DNAJA3: variants seen among roughly 807,000 people sequenced by gnomAD.
DNAJA3 encodes the protein dnaJ homolog subfamily A member 3, mitochondrial.
DNAJA3 carries 29 observed loss-of-function variants against 54.9 expected under a neutral mutation model. That is an observed-to-expected ratio of 0.53 (90% CI 0.39 to 0.72). The LOEUF is 0.72. Ranked by LOEUF, DNAJA3 falls within the 30% of genes least tolerant of loss-of-function variation. DNAJA3 has a pLI of 0.00. For synonymous variants in DNAJA3, 302 were observed against 251.4 expected (o/e 1.20, Z -1.90); for missense variants, 708 against 639.4 (o/e 1.11, Z -1.16).
At chr16:4,448,030 T>TTTC (rs2141390697) in intron 8 of DNAJA3, 2 of 134,562 alleles carry the variant, frequency 1.5e-5, no homozygotes, top group Non-Finnish European at 3.2e-5. Context: ...GTTCTTTTTT[T>TTTC]TTTTTTTTTT....
rs369412956 is a variant in DNAJA3 at position 4,443,167 on chromosome 16, G to A, written c.931+3G>A. On this transcript the variant is annotated splice_donor_region_variant and intron_variant, in intron 6 of 11. Coordinates refer to ENST00000262375, the MANE Select transcript of DNAJA3 (RefSeq NM_005147.6). ...AGTGATGATCCCTGTGCCTGCAGGT[G>A]GGTGCTTGGGCCCGCCATGTCCAGG... The A allele has an allele frequency of 5.0e-5, 80 of 1,613,712 alleles. No homozygotes were observed. The highest frequency in any genetic ancestry group is 6.7e-5 in the Non-Finnish European group (79 of 1,179,966).
chr16:4,426,547 A>C (rs2056625893), intron 1 of DNAJA3, among the ~76,000 whole-genome samples: 2 of 152,370 alleles, frequency 1.3e-5, no homozygotes, highest in South Asian at 4.1e-4. Context: ...CGACCAGCCC[A>C]AGGTCATGGA....
intron 11 of DNAJA3, 134 bp from the exon 12 acceptor site, chr16:4,455,412 T>G: frequency 9.4e-7 from 1 of 1,060,630 alleles, no homozygotes; most frequent in Non-Finnish European, 1.4e-6. Flanking sequence ...TGGTTTATTA[T>G]GCTCATCTCA....
Position 4,446,925 on chromosome 16 carries a change from A to T in DNAJA3, c.1036A>T (p.Ile346Phe). The change falls in exon 8 of 12, where the codon ATC becomes TTC. Residue 346 changes from isoleucine (I) to phenylalanine (F), a missense_variant. Ile to Phe is a conservative substitution (Grantham distance 21). Transcript: ENST00000262375. The stretch of plus-strand genomic sequence containing the variant: ...TGTGTTCCGGAGGGACGGCGCAGAC[A>T]TCCACTCCGACCTCTTTATTTCTAT... ...SPVFRRDGAD[I>F]HSDLFISIAQ... 6.2e-7 allele frequency: 1 copy of T among 1,614,134 alleles called. No homozygotes were observed. Among genetic ancestry groups the T allele is most frequent in the Non-Finnish European group, 8.5e-7 (1 of 1,180,036 alleles).
chr16:4,451,049 A>G (rs966977040), intron 10 of DNAJA3, among the ~76,000 whole-genome samples: 1 of 152,070 alleles, frequency 6.6e-6, no homozygotes, highest in South Asian at 2.1e-4. Flanking sequence ...GAGCTCAGAC[A>G]TCGTGCTAGC....
chr16:4,426,219 C>CTGTCTGTGTCTCCGGCAATT, intron 1 of DNAJA3, 127 bp downstream of exon 1: 1 of 1,081,232 alleles, frequency 9.2e-7, no homozygotes, highest in Non-Finnish European at 1.2e-6. Context: ...GCACAATTGC[C>CTGTCTGTGTCTCCGGCAATT]GGAGACACAG....
chr16:4,455,012 C>A, intron 11 of DNAJA3, 85 bp downstream of exon 11: 1 of 920,946 alleles, frequency 1.1e-6, no homozygotes, highest in Non-Finnish European at 1.7e-6. Context: ...CAATATTGTG[C>A]CCCCACCCCC....
At chr16:4,426,602 A>T (rs1172431765) in intron 1 of DNAJA3, among the ~76,000 whole-genome samples, 2 of 152,240 alleles carry the variant, frequency 1.3e-5, no homozygotes, top group Non-Finnish European at 2.9e-5. Context: ...GTCATGTCAT[A>T]GTTTACGCTC....
In DNAJA3 at chr16:4,441,523, T is replaced by C. The variant is rs1392955264; in HGVS notation, c.578T>C (p.Phe193Ser). 6.2e-7 allele frequency: 1 copy of C among 1,614,074 alleles called. No homozygotes were observed. The highest frequency in any genetic ancestry group is 1.3e-5 in the African/African-American group (1 of 74,934). ...EELFRKIFGE[F>S]SSSSFGDFQT... Reference sequence around the variant, plus strand: ...CTGTTCAGGAAGATCTTTGGCGAGTTCTCATCCTCTTCATTTGGAGATTTC... The same window carrying C: ...CTGTTCAGGAAGATCTTTGGCGAGTCCTCATCCTCTTCATTTGGAGATTTC... The change falls in exon 4 of 12, where the codon TTC becomes TCC. Residue 193 changes from phenylalanine to serine, a missense_variant. By Grantham distance (155) the Phe-to-Ser change is radical (BLOSUM62 -2). Coordinates refer to ENST00000262375, the MANE Select transcript of DNAJA3 (RefSeq NM_005147.6).
At chr16:4,455,380 C>T (rs1022154112) in intron 11 of DNAJA3, 166 bp from the exon 12 acceptor site, 19 of 726,874 alleles carry the variant, frequency 2.6e-5, no homozygotes, top group Admixed American at 4.8e-5. Flanking sequence ...GCTTGCTCGC[C>T]GTGTCATCTT....
chr16:4,443,392 T>C (rs2056861984), intron 6 of DNAJA3, among the ~76,000 whole-genome samples: 1 of 152,098 alleles, frequency 6.6e-6, no homozygotes, highest in Non-Finnish European at 1.5e-5. Context: ...ACACTTTGCA[T>C]GTCACAATGG....
chr16:4,434,041 G>A (rs766636876), intron 1 of DNAJA3: 25 of 278,162 alleles, frequency 9.0e-5, no homozygotes, highest in South Asian at 5.5e-4. Flanking sequence ...CTCAGCGATC[G>A]TGGCGGAAGG....
chr16:4,442,778 C>A, intron 5 of DNAJA3: 1 of 579,906 alleles, frequency 1.7e-6, no homozygotes, highest in Non-Finnish European at 3.0e-6. Context: ...CAGGCGGTAT[C>A]ATATTTTTCA....
At chr16:4,455,105 C>T (rs934203443) in intron 11 of DNAJA3, among the ~76,000 whole-genome samples, 178 bp downstream of exon 11, 2 of 152,192 alleles carry the variant, frequency 1.3e-5, no homozygotes, top group Admixed American at 6.5e-5. Context: ...GAATAGATGA[C>T]GTGGCAATCA....
At position 4,455,572 on chromosome 16, in the gene DNAJA3, G is replaced by GGGAAGC. The variant is rs1292171041; in HGVS notation, c.*41_*46dup. 1.3e-6 allele frequency: 2 copies of GGGAAGC among 1,551,744 alleles called. No homozygotes were observed. The highest frequency in any genetic ancestry group is 3.9e-5 in the Admixed American group (2 of 50,980). Reference sequence around the variant, plus strand: ...AAAAAGATCCACTGGAAACTAGGCCGGGAAGCAGCAGCCCCTCCAAGGGCC... The same window carrying GGGAAGC: ...AAAAAGATCCACTGGAAACTAGGCCGGGAAGCGGAAGCAGCAGCCCCTCCAAGGGCC... On this transcript the variant is annotated 3_prime_UTR_variant, in exon 12 of 12. Transcript: ENST00000262375.
At chr16:4,427,983 G>T (rs1386393574) in intron 1 of DNAJA3, among the ~76,000 whole-genome samples, 1 of 151,058 alleles carries the variant, frequency 6.6e-6, no homozygotes, top group Admixed American at 6.6e-5. Context: ...ACGGAGTCTC[G>T]CTGTGTTGCC....
intron 1 of DNAJA3, chr16:4,431,505 A>G (rs1383179680): frequency 6.6e-6 from 1 of 151,810 alleles, no homozygotes; most frequent in African/African-American, 2.4e-5. Context: ...TCCTACTTGG[A>G]TGTGCTCAAC....
At chr16:4,434,586 A>G in intron 2 of DNAJA3, 69 bp downstream of exon 2, 2 of 1,568,768 alleles carry the variant, frequency 1.3e-6, no homozygotes, top group East Asian at 4.5e-5. Flanking sequence ...TGTGATCCTG[A>G]TCAGTACAGC....
intron 10 of DNAJA3, among the ~76,000 whole-genome samples, chr16:4,450,852 G>C (rs1484034307): frequency 6.6e-6 from 1 of 152,204 alleles, no homozygotes; most frequent in Non-Finnish European, 1.5e-5. Flanking sequence ...TGGCAAAAGC[G>C]TAAGGAGAGA....
Sources: gnomAD v4.1 joint callset for allele counts (sites outside exome capture counted in the v4.1 genomes callset) on GRCh38, gnomAD v4.1.1 for gene constraint, MANE v1.5 for transcripts, NCBI Gene and HGNC (gene_info 2026-07-23, HGNC 2026-07-21) for gene names.